Variants in PRXL2C observed in about 807,000 individuals in gnomAD.
PRXL2C encodes the protein peroxiredoxin like 2C.
Under a neutral mutation model 24.9 loss-of-function variants are expected in PRXL2C, and 38 were observed. The ratio of observed to expected loss-of-function variants is 1.53; its 90% CI spans 1.18 to 2.00. The LOEUF (loss-of-function observed/expected upper bound fraction) is 2.00, where lower values mean the gene tolerates loss of function less well. Among genes scored for constraint, PRXL2C ranks in the 30% most tolerant of loss-of-function variants. The pLI is 0.00. For synonymous variants in PRXL2C, 98 were observed against 117.2 expected (o/e 0.84, Z 1.06); for missense variants, 294 against 290.9 (o/e 1.01, Z -0.08).
At chr9:96,651,817 G>A in intron 2 of PRXL2C, 105 bp from the exon 3 acceptor site, 1 of 913,038 alleles carries the variant, frequency 1.1e-6, no homozygotes, top group Non-Finnish European at 1.7e-6. Context: ...CCACCTATAG[G>A]CTTCTAGAGG....
intron 2 of PRXL2C, 66 bp downstream of exon 2, chr9:96,654,639 C>T (rs1848323094): frequency 2.7e-6 from 4 of 1,461,540 alleles, no homozygotes; most frequent in Non-Finnish European, 3.7e-6. Context: ...GGAGCCGCGT[C>T]CTCCCCCGCC....
At chr9:96,647,623 A>T (rs1244585981) in intron 4 of PRXL2C, among the ~76,000 whole-genome samples, 3 of 152,056 alleles carry the variant, frequency 2.0e-5, no homozygotes, top group African/African-American at 7.2e-5. Flanking sequence ...CCTGGGCTCA[A>T]GCGATCCTCC....
chr9:96,647,549 G>T (rs922173405), intron 4 of PRXL2C, among the ~76,000 whole-genome samples: 1 of 152,134 alleles, frequency 6.6e-6, no homozygotes, highest in South Asian at 2.1e-4. Flanking sequence ...AAGAGACAGG[G>T]TCATGCTCTG....
At chr9:96,654,136 G>A (rs1336153087) in intron 2 of PRXL2C, among the ~76,000 whole-genome samples, 2 of 152,142 alleles carry the variant, frequency 1.3e-5, no homozygotes, top group Non-Finnish European at 2.9e-5. Flanking sequence ...CACCGTGCCC[G>A]GCCGCACAGT....
intron 5 of PRXL2C, among the ~76,000 whole-genome samples, chr9:96,645,037 G>T (rs890142527): frequency 1.6e-4 from 24 of 150,868 alleles, no homozygotes; most frequent in Non-Finnish European, 3.1e-4. Context: ...CTCCCGAGTA[G>T]CTGGGACTAC....
Position 96,641,395 on chromosome 9 carries a change from T to C in PRXL2C, c.*364A>G, listed in dbSNP as rs143630506. On this transcript the variant is annotated 3_prime_UTR_variant, in exon 6 of 6. Transcript: ENST00000375234. ...CACTGAATATAATGGTCTTGTGTTG[T>C]TCTCCTGTCCCCTTATATACTGTCA... is the stretch of plus-strand genomic sequence containing the variant. 2.6e-3 allele frequency: 410 copies of C among 157,588 alleles called. 4 individuals carry two copies. The highest frequency in any genetic ancestry group is 8.7e-3 in the African/African-American group (365 of 41,782). The allele number at this position is 157,588 out of a possible 1,614,324, so 9.8% of individuals were successfully genotyped here.
In PRXL2C at chr9:96,655,083, C is replaced by T. The variant is rs1002403998; in HGVS notation, c.192+7G>A. 3 of 1,455,616 alleles carry T rather than the reference C, an allele frequency of 2.1e-6. No individual in the cohort carries two copies. Among genetic ancestry groups the T allele is most frequent in the South Asian group, 1.3e-5 (1 of 76,098 alleles). The allele number at this position is 1,455,616 out of a possible 1,614,324, so 90.2% of individuals were successfully genotyped here. On this transcript the variant is annotated splice_region_variant and intron_variant, in intron 1 of 5. Coordinates refer to ENST00000375234, the MANE Select transcript of PRXL2C (RefSeq NM_153698.2). Reference sequence around the variant, plus strand: ...GCGCTTCCCTTCCAGCCCCGCCGCCCGCTCACCCGCACGAACACCACCACG... The same window carrying T: ...GCGCTTCCCTTCCAGCCCCGCCGCCTGCTCACCCGCACGAACACCACCACG...
Position 96,655,127 on chromosome 9 carries a change from A to T in PRXL2C, c.155T>A (p.Leu52Gln). 7.2e-7 allele frequency: 1 copy of T among 1,397,252 alleles called. No homozygotes were observed. The highest frequency in any genetic ancestry group is 2.9e-5 in the Admixed American group (1 of 34,066). 86.6% of individuals were successfully genotyped at this position (1,397,252 alleles called of 1,614,324 possible). ...ARGQRVPFGALFRERRAVVVF... is the reference protein window; with the variant it reads ...ARGQRVPFGAQFRERRAVVVF... ...CACCACGGCGCGGCGCTCCCGGAAC[A>T]GCGCGCCGAACGGTACCCGCTGCCC... The change falls in exon 1 of 6, where the codon CTG (leucine) becomes CAG (glutamine). Residue 52 changes from leucine to glutamine, a missense_variant. By Grantham distance (113) the Leu-to-Gln change is moderately radical. Coordinates refer to ENST00000375234, the MANE Select transcript of PRXL2C (RefSeq NM_153698.2).
chr9:96,643,150 C>T (rs1848141248), intron 5 of PRXL2C, among the ~76,000 whole-genome samples: 2 of 152,218 alleles, frequency 1.3e-5, no homozygotes, highest in South Asian at 4.1e-4. Context: ...CTGGGATCCA[C>T]TGCAGGTCCA....
chr9:96,648,621 T>G (rs952784324), intron 4 of PRXL2C, among the ~76,000 whole-genome samples: 1 of 152,180 alleles, frequency 6.6e-6, no homozygotes, highest in Non-Finnish European at 1.5e-5. Context: ...CAACACAGGT[T>G]GAAGTAGTGA....
rs1267979853 is a variant in PRXL2C at position 96,641,575 on chromosome 9, C to T, written c.*184G>A. Reference sequence around the variant, plus strand: ...AAAGTTATAAAATGGAAGTATATAACATATTTTGACAACTGATGCTTCCCA... The same window carrying T: ...AAAGTTATAAAATGGAAGTATATAATATATTTTGACAACTGATGCTTCCCA... On this transcript the variant is annotated 3_prime_UTR_variant, in exon 6 of 6. Transcript: ENST00000375234. The T allele has an allele frequency of 1.9e-5, 8 of 423,640 alleles. No homozygotes were observed. The highest frequency in any genetic ancestry group is 3.2e-5 in the Non-Finnish European group (8 of 247,742). 26.2% of individuals were successfully genotyped at this position (423,640 alleles called of 1,614,324 possible).
At chr9:96,654,842 A>G in intron 1 of PRXL2C, 69 bp from the exon 2 acceptor site, 1 of 1,448,778 alleles carries the variant, frequency 6.9e-7, no homozygotes, top group Non-Finnish European at 9.4e-7. Context: ...GGATCCCTGT[A>G]CTTCGCCGTG....
intron 3 of PRXL2C, 72 bp from the exon 4 acceptor site, chr9:96,651,567 C>T: frequency 1.3e-6 from 2 of 1,545,416 alleles, no homozygotes; most frequent in Non-Finnish European, 1.8e-6. Context: ...TAACTTCAGC[C>T]AACTTAGCCT....
Position 96,641,833 on chromosome 9 carries a change from T to C in PRXL2C, c.607A>G (p.Ile203Val), listed in dbSNP as rs142681714. 6.2e-4 allele frequency: 977 copies of C among 1,566,802 alleles called. 2 individuals are homozygous for C. The highest frequency in any genetic ancestry group is 3.2e-3 in the Middle Eastern group (19 of 5,858). ...CCTACAAGCTGTAAAACAGAGTTGATAGGTTTGTGATCCAACCTATTCCTA... is the reference window on the plus strand; with the variant it reads ...CCTACAAGCTGTAAAACAGAGTTGACAGGTTTGTGATCCAACCTATTCCTA... ...RDRNRLDHKP[I>V]NSVLQLVGVQ... Residue 203 changes from isoleucine (I) to valine (V), a missense_variant, in exon 6 of 6, where the codon ATC becomes GTC. Ile to Val is a conservative substitution (Grantham distance 29). Coordinates refer to ENST00000375234, the MANE Select transcript of PRXL2C (RefSeq NM_153698.2).
intron 4 of PRXL2C, 127 bp downstream of exon 4, chr9:96,651,263 G>A (rs2119188194): frequency 1.5e-6 from 1 of 677,160 alleles, no homozygotes; most frequent in Non-Finnish European, 2.5e-6. Flanking sequence ...CAGCAACAGA[G>A]TGAGACTCCA....
rs1173166717 is a variant in PRXL2C, at chr9:96,641,590, G to C, written c.*169C>G. 2.0e-6 allele frequency: 1 copy of C among 488,174 alleles called. No homozygotes were observed. The highest frequency in any genetic ancestry group is 4.2e-5 in the Admixed American group (1 of 23,978). The allele number at this position is 488,174 out of a possible 1,614,324, so 30.2% of individuals were successfully genotyped here. A position where few individuals can be genotyped will look rare whatever the true frequency, so the allele number is the denominator to read the frequency against. On this transcript the variant is annotated 3_prime_UTR_variant, in exon 6 of 6. Coordinates refer to ENST00000375234, the MANE Select transcript of PRXL2C (RefSeq NM_153698.2). ...AAGTATATAACATATTTTGACAACT[G>C]ATGCTTCCCAGCATGCAATTCAACA...
chr9:96,654,840 G>C, intron 1 of PRXL2C, 67 bp from the exon 2 acceptor site: 7 of 1,445,994 alleles, frequency 4.8e-6, no homozygotes, highest in Non-Finnish European at 6.6e-6. Flanking sequence ...AAGGATCCCT[G>C]TACTTCGCCG....
chr9:96,654,073 C>G, intron 2 of PRXL2C, among the ~76,000 whole-genome samples: 1 of 152,176 alleles, frequency 6.6e-6, no homozygotes, highest in East Asian at 1.9e-4. Context: ...ATCTCCTGAC[C>G]TCGTGATCCG....
chr9:96,641,836 G>T lies in PRXL2C; in HGVS notation c.604C>A (p.Pro202Thr), dbSNP rs746159875. 1 of 1,563,024 alleles carries T rather than the reference G, an allele frequency of 6.4e-7. No individual in the cohort carries two copies. The highest frequency in any genetic ancestry group is 1.7e-5 in the Admixed American group (1 of 58,828). ...HRDRNRLDHK[P>T]INSVLQLVGV... ...ACAAGCTGTAAAACAGAGTTGATAG[G>T]TTTGTGATCCAACCTATTCCTATCG... The change falls in exon 6 of 6, where the codon CCT becomes ACT. Residue 202 changes from proline (P) to threonine (T), a missense_variant. Physicochemically the swap from Pro to Thr is conservative, Grantham distance 38 (BLOSUM62 -1). Coordinates refer to ENST00000375234, the MANE Select transcript of PRXL2C (RefSeq NM_153698.2).
Sources: allele counts gnomAD v4.1 joint callset (sites outside exome capture counted in the v4.1 genomes callset), GRCh38; gene constraint gnomAD v4.1.1; transcripts MANE v1.5; gene names NCBI Gene and HGNC (gene_info 2026-07-23, HGNC 2026-07-21).